The following EHBP1 variants were observed in gnomAD, a reference collection of about 807,000 sequenced individuals.
EHBP1 encodes EH domain-binding protein 1.
Under a neutral mutation model 144.0 loss-of-function variants are expected in EHBP1, and 55 were observed. That is an observed-to-expected ratio of 0.38 (90% CI 0.31 to 0.48). The LOEUF is 0.48. Ranked by LOEUF, EHBP1 falls within the 20% of genes least tolerant of loss-of-function variation. The pLI is 0.98. For missense variants in EHBP1, 1,200 were observed against 1,364.2 expected (o/e 0.88, Z 1.90); for synonymous variants, 469 against 472.7 (o/e 0.99, Z 0.10).
intron 14 of EHBP1, among the ~76,000 whole-genome samples, chr2:62,963,161 C>T (rs1322312912): frequency 2.0e-5 from 3 of 152,116 alleles, no homozygotes; most frequent in African/African-American, 7.2e-5. Context: ...TTTTTAAGCT[C>T]GCCTTTGGAA....
At chr2:62,819,549 G>T (rs551207641) in intron 5 of EHBP1, among the ~76,000 whole-genome samples, 1 of 151,832 alleles carries the variant, frequency 6.6e-6, no homozygotes, top group African/African-American at 2.4e-5. Flanking sequence ...TGAGGTTGGG[G>T]GTGTGGGAGT....
At chr2:62,993,760 C>CT in intron 17 of EHBP1, 92 bp downstream of exon 17, 19 of 681,922 alleles carry the variant, frequency 2.8e-5, no homozygotes, top group Non-Finnish European at 3.7e-5. Context: ...ATATATATAG[C>CT]ATATATATAT....
intron 19 of EHBP1, among the ~76,000 whole-genome samples, chr2:62,998,403 T>C (rs1223934849): frequency 6.6e-6 from 1 of 152,156 alleles, no homozygotes; most frequent in East Asian, 1.9e-4. Flanking sequence ...CTGAATAATA[T>C]TTGTAATATA....
At chr2:62,881,161 G>C (rs1352418795) in intron 10 of EHBP1, among the ~76,000 whole-genome samples, 2 of 152,152 alleles carry the variant, frequency 1.3e-5, no homozygotes, top group East Asian at 3.9e-4. Flanking sequence ...AATACTGCAT[G>C]TTGTCACTTA....
intron 19 of EHBP1, among the ~76,000 whole-genome samples, chr2:63,034,395 G>A (rs2061378306): frequency 6.6e-6 from 1 of 151,844 alleles, no homozygotes; most frequent in Non-Finnish European, 1.5e-5. Flanking sequence ...ATTATTGTTG[G>A]TCTAGGTGAC....
In EHBP1 at chr2:62,840,818, A is replaced by G. The variant is rs368555629; in HGVS notation, c.634+9660A>G. Among the ~76,000 whole-genome samples, 17 of 152,088 alleles carry G rather than the reference A, an allele frequency of 1.1e-4. No individual in the cohort carries two copies. The East Asian group carries it at 2.3e-3, about 21-fold the overall frequency. ...TCATCTCACACCAGTTAGAATGGCA[A>G]TCATTAAAAAGTCAGGAAACAACAT... On this transcript the variant is annotated intron_variant, in intron 7 of 22. Transcript: ENST00000431489.
chr2:62,816,216 C>T (rs2152551569), intron 5 of EHBP1, among the ~76,000 whole-genome samples: 1 of 152,114 alleles, frequency 6.6e-6, no homozygotes, highest in East Asian at 1.9e-4. Context: ...GTCTGTCAAA[C>T]CAGACTTTAA....
Position 62,761,207 on chromosome 2 carries a change from G to T in EHBP1, c.163-3059G>T, listed in dbSNP as rs527356640. ...AGATTGTTTACTTTGTGGAGTTTTT[G>T]TTTTAGGGCTGTCAACAGACATGGA... On this transcript the variant is annotated intron_variant, in intron 3 of 22. Transcript: ENST00000431489. Among the ~76,000 whole-genome samples the T allele has an allele frequency of 3.3e-5, 5 of 152,134 alleles. No individual in the cohort carries two copies. The South Asian group carries it at 8.3e-4, about 25-fold the overall frequency.
At chr2:62,874,310 TGAGAGACA>T (rs1387505511) in intron 9 of EHBP1, 28 bp from the exon 10 acceptor site, 1 of 1,443,018 alleles carries the variant, frequency 6.9e-7, no homozygotes, top group Non-Finnish European at 9.3e-7. Flanking sequence ...AACTATTTTT[TGAGAGACA>T]TCTAACAATA....
chr2:62,748,425 A>G (rs1016339903), intron 3 of EHBP1, among the ~76,000 whole-genome samples: 8 of 152,126 alleles, frequency 5.3e-5, no homozygotes, highest in Admixed American at 2.6e-4. Context: ...AGGCCAAGGC[A>G]GGAGGATCGC....
At chr2:62,957,934 A>G (rs1330919227) in intron 14 of EHBP1, among the ~76,000 whole-genome samples, 2 of 152,222 alleles carry the variant, frequency 1.3e-5, no homozygotes, top group Non-Finnish European at 2.9e-5. Flanking sequence ...ATATTTCAAT[A>G]AGATACACAA....
chr2:62,953,086 A>C (rs1284144793), intron 13 of EHBP1, among the ~76,000 whole-genome samples: 1 of 151,878 alleles, frequency 6.6e-6, no homozygotes, highest in African/African-American at 2.4e-5. Flanking sequence ...GGGTGGTGGC[A>C]CATGCCTGTA....
At chr2:62,736,633 C>T (rs2038165047) in intron 2 of EHBP1, among the ~76,000 whole-genome samples, 2 of 152,166 alleles carry the variant, frequency 1.3e-5, no homozygotes, top group South Asian at 4.1e-4. Flanking sequence ...GATCATTCTT[C>T]ATTTCCATCG....
At chr2:62,992,081 T>A (rs1005536529) in intron 16 of EHBP1, among the ~76,000 whole-genome samples, 1 of 152,170 alleles carries the variant, frequency 6.6e-6, no homozygotes, top group Non-Finnish European at 1.5e-5. Context: ...GGAATACATT[T>A]GTAAAGTGGC....
intron 10 of EHBP1, among the ~76,000 whole-genome samples, chr2:62,937,501 T>A (rs1004204535): frequency 1.3e-5 from 2 of 152,114 alleles, no homozygotes; most frequent in African/African-American, 2.4e-5. Context: ...CTGAATATAT[T>A]ATAGTAAAAT....
intron 7 of EHBP1, among the ~76,000 whole-genome samples, chr2:62,832,713 T>G (rs1573589634): frequency 6.6e-6 from 1 of 152,164 alleles, no homozygotes; most frequent in East Asian, 1.9e-4. Context: ...ACAGCAAACT[T>G]AATCAAGTGT....
intron 2 of EHBP1, among the ~76,000 whole-genome samples, chr2:62,721,644 T>C (rs1323801096): frequency 3.9e-5 from 6 of 152,252 alleles, no homozygotes; most frequent in Non-Finnish European, 8.8e-5. Flanking sequence ...CAGTAGATTT[T>C]GCTTGTAGCG....
At chr2:62,983,698 T>C (rs192144759) in intron 15 of EHBP1, among the ~76,000 whole-genome samples, 69 of 152,192 alleles carry the variant, frequency 4.5e-4, no homozygotes, top group African/African-American at 1.5e-3. Flanking sequence ...CCGGCCACCA[T>C]GCCCAGCTAA....
intron 2 of EHBP1, among the ~76,000 whole-genome samples, chr2:62,729,404 AAATATAATAATAAT>A (rs1302402871): frequency 1.7e-5 from 2 of 116,646 alleles, no homozygotes; most frequent in Non-Finnish European, 3.3e-5. Flanking sequence ...TATATATAAT[AAATATAATAATAAT>A]AATATAATAT....
Sources: gnomAD v4.1 joint callset for allele counts (sites outside exome capture counted in the v4.1 genomes callset) on GRCh38, gnomAD v4.1.1 for gene constraint, MANE v1.5 for transcripts, NCBI Gene and HGNC (gene_info 2026-07-23, HGNC 2026-07-21) for gene names.